The following TMTC1 variants were observed in gnomAD, a reference collection of about 807,000 sequenced individuals.
TMTC1 encodes transmembrane O-mannosyltransferase targeting cadherins 1, also known as protein O-mannosyl-transferase TMTC1.
In TMTC1, 73 loss-of-function variants were observed where a neutral mutation model predicts 104.8. That is an observed-to-expected ratio of 0.70 (90% CI 0.58 to 0.85). The LOEUF is 0.85. TMTC1 is among the 40% of genes least tolerant of loss of function. The probability of loss-of-function intolerance (pLI) is 0.00; values close to 1 mark genes in which losing one functional copy is unlikely to be tolerated. For missense variants in TMTC1, 1,035 were observed against 1,096.1 expected (o/e 0.94, Z 0.79); for synonymous variants, 434 against 428.7 (o/e 1.01, Z -0.15).
At position 29,760,848 on chromosome 12, in the gene TMTC1, T is replaced by C. The variant is rs1486914371; in HGVS notation, c.481-2071A>G. Among the ~76,000 whole-genome samples, 4 of 149,282 alleles carry C rather than the reference T, an allele frequency of 2.7e-5. No homozygotes were observed. In the East Asian group the frequency reaches 7.8e-4, roughly 29 times the overall value. On this transcript the variant is annotated intron_variant, in intron 2 of 17. Coordinates refer to ENST00000539277, the MANE Select transcript of TMTC1 (RefSeq NM_001193451.2). ...AATTATATAACTCATTATAATCAAT[T>C]ATAATACTGTATTTATTATATACTA...
intron 10 of TMTC1, among the ~76,000 whole-genome samples, chr12:29,546,164 C>T (rs1028628928): frequency 6.6e-6 from 1 of 152,178 alleles, no homozygotes; most frequent in Admixed American, 6.5e-5. Flanking sequence ...ACGTGATTCT[C>T]AGTCTGTAAT....
At chr12:29,779,240 G>C (rs181005800) in intron 1 of TMTC1, among the ~76,000 whole-genome samples, 46 of 152,344 alleles carry the variant, frequency 3.0e-4, no homozygotes, top group Admixed American at 1.4e-3. Context: ...CCAACATTCT[G>C]AATGTGATCT....
intron 5 of TMTC1, among the ~76,000 whole-genome samples, chr12:29,711,206 T>C (rs906650825): frequency 1.3e-5 from 2 of 151,932 alleles, no homozygotes; most frequent in African/African-American, 4.8e-5. Flanking sequence ...CTCAAACTCC[T>C]GGCCTCAAGC....
chr12:29,664,926 G>T lies in TMTC1; in HGVS notation c.939-31590C>A, dbSNP rs116171709. ...AACCAGACCACTGATGAAACCAACAGAATGAGAACTAAGGGTCCAGGGTTC... is the reference window on the plus strand; with the variant it reads ...AACCAGACCACTGATGAAACCAACATAATGAGAACTAAGGGTCCAGGGTTC... On this transcript the variant is annotated intron_variant, in intron 5 of 17. Coordinates refer to ENST00000539277, the MANE Select transcript of TMTC1 (RefSeq NM_001193451.2). Among the ~76,000 whole-genome samples, 1,393 of 152,242 alleles carry T rather than the reference G, an allele frequency of 9.1e-3. 17 individuals are homozygous for T. Among genetic ancestry groups the T allele is most frequent in the African/African-American group, 0.032 (1,327 of 41,546 alleles).
chr12:29,512,763 T>C (rs1001151417), intron 16 of TMTC1, among the ~76,000 whole-genome samples: 4 of 152,208 alleles, frequency 2.6e-5, no homozygotes, highest in African/African-American at 9.6e-5. Flanking sequence ...AAATGTAGTA[T>C]CAGTGATGTG....
At chr12:29,753,135 A>G (rs948674872) in intron 4 of TMTC1, among the ~76,000 whole-genome samples, 5 of 152,184 alleles carry the variant, frequency 3.3e-5, no homozygotes, top group Non-Finnish European at 7.3e-5. Context: ...TGCTTCCTGA[A>G]TCATACGATG....
intron 5 of TMTC1, among the ~76,000 whole-genome samples, chr12:29,668,767 T>C (rs1432311812): frequency 6.6e-6 from 1 of 152,214 alleles, no homozygotes; most frequent in East Asian, 1.9e-4. Context: ...GGCCCCAGCT[T>C]CTAATTAATT....
At chr12:29,622,872 G>A (rs1023000216) in intron 6 of TMTC1, among the ~76,000 whole-genome samples, 6 of 152,156 alleles carry the variant, frequency 3.9e-5, no homozygotes, top group South Asian at 2.1e-4. Context: ...GAGCTCTTCC[G>A]TGATAAATAA....
chr12:29,689,629 C>T (rs551109450), intron 5 of TMTC1, among the ~76,000 whole-genome samples: 4 of 152,230 alleles, frequency 2.6e-5, no homozygotes, highest in Non-Finnish European at 4.4e-5. Context: ...GATGAGAAGG[C>T]GGAGGCACAA....
intron 2 of TMTC1, among the ~76,000 whole-genome samples, chr12:29,762,404 G>T (rs1943372266): frequency 6.6e-6 from 1 of 152,072 alleles, no homozygotes. Flanking sequence ...AGAGAAAGGG[G>T]GTGGAACTCT....
chr12:29,717,230 A>G (rs1942109884), intron 5 of TMTC1, among the ~76,000 whole-genome samples: 1 of 152,224 alleles, frequency 6.6e-6, no homozygotes, highest in African/African-American at 2.4e-5. Context: ...GAGCATTTAC[A>G]ACGAAAAATT....
chr12:29,568,531 T>C (rs928705559), intron 9 of TMTC1, among the ~76,000 whole-genome samples: 10 of 152,244 alleles, frequency 6.6e-5, no homozygotes, highest in African/African-American at 2.2e-4. Flanking sequence ...GAGGTGCTTT[T>C]GCAGATTCTA....
At chr12:29,579,797 G>T (rs1038503800) in intron 8 of TMTC1, among the ~76,000 whole-genome samples, 8 of 152,144 alleles carry the variant, frequency 5.3e-5, no homozygotes, top group African/African-American at 1.9e-4. Flanking sequence ...AAGAATTAAA[G>T]AAAATATGCC....
chr12:29,757,730 T>C (rs1282418097), intron 3 of TMTC1, among the ~76,000 whole-genome samples: 7 of 152,142 alleles, frequency 4.6e-5, no homozygotes, highest in Non-Finnish European at 1.5e-5. Context: ...GAACTCACAG[T>C]TCCACATGGC....
intron 5 of TMTC1, among the ~76,000 whole-genome samples, chr12:29,741,608 C>A (rs1942828829): frequency 6.6e-6 from 1 of 152,182 alleles, no homozygotes; most frequent in African/African-American, 2.4e-5. Context: ...TGCTATCTCT[C>A]ATTTCTTTGT....
intron 5 of TMTC1, among the ~76,000 whole-genome samples, chr12:29,740,656 C>T (rs762211436): frequency 3.3e-5 from 5 of 152,144 alleles, no homozygotes; most frequent in Non-Finnish European, 7.3e-5. Flanking sequence ...TCTAAGAGAA[C>T]CCTGACTAAC....
chr12:29,721,641 A>G (rs1411863138), intron 5 of TMTC1, among the ~76,000 whole-genome samples: 1 of 152,116 alleles, frequency 6.6e-6, no homozygotes, highest in African/African-American at 2.4e-5. Context: ...GAGAGATCAA[A>G]AAGATCAATA....
chr12:29,719,998 T>C (rs1942192104), intron 5 of TMTC1, among the ~76,000 whole-genome samples: 1 of 152,202 alleles, frequency 6.6e-6, no homozygotes, highest in Admixed American at 6.5e-5. Flanking sequence ...GAGTGACTTT[T>C]GAACCAGGGT....
At chr12:29,701,061 T>C (rs991905383) in intron 5 of TMTC1, among the ~76,000 whole-genome samples, 2 of 151,718 alleles carry the variant, frequency 1.3e-5, no homozygotes, top group African/African-American at 4.9e-5. Flanking sequence ...CTTCCCTCTG[T>C]CCTCTCACTG....
Sources: allele counts gnomAD v4.1 joint callset (sites outside exome capture counted in the v4.1 genomes callset), GRCh38; gene constraint gnomAD v4.1.1; transcripts MANE v1.5; gene names NCBI Gene and HGNC (gene_info 2026-07-23, HGNC 2026-07-21).